Variants in ST18 observed in about 807,000 individuals in gnomAD.
The protein encoded by ST18 is ST18 C2H2C-type zinc finger transcription factor.
A neutral mutation model predicts 110.0 loss-of-function variants in ST18; 50 were observed. The observed-to-expected ratio is 0.45, with a 90% confidence interval of 0.36 to 0.58. The LOEUF (loss-of-function observed/expected upper bound fraction) is 0.58. Among genes scored for constraint, ST18 ranks in the 20% least tolerant of loss-of-function variants. The pLI is 0.00. For synonymous variants in ST18, 461 were observed against 452.4 expected (o/e 1.02, Z -0.24); for missense variants, 1,306 against 1,280.1 (o/e 1.02, Z -0.31).
chr8:52,284,740 T>G (rs569113809), intron 2 of ST18, among the ~76,000 whole-genome samples: 2 of 152,102 alleles, frequency 1.3e-5, no homozygotes, highest in African/African-American at 4.8e-5. Context: ...TGAGAAGGAA[T>G]GGGAAATTGA....
chr8:52,237,348 C>CT (rs1403738257), intron 2 of ST18, among the ~76,000 whole-genome samples: 1 of 152,070 alleles, frequency 6.6e-6, no homozygotes, highest in Non-Finnish European at 1.5e-5. Context: ...AAAAAATATT[C>CT]TTTTTTATTA....
intron 2 of ST18, among the ~76,000 whole-genome samples, chr8:52,312,197 T>A (rs1044586346): frequency 5.3e-5 from 8 of 152,202 alleles, no homozygotes; most frequent in Non-Finnish European, 2.9e-5. Flanking sequence ...TTATTCTATC[T>A]ATATCCGATT....
chr8:52,261,482 C>T (rs1191069174), intron 2 of ST18, among the ~76,000 whole-genome samples: 10 of 152,130 alleles, frequency 6.6e-5, no homozygotes, highest in Admixed American at 6.5e-4. Context: ...TTTCATTCTC[C>T]TTGCTTGTTC....
chr8:52,306,140 C>T (rs186127723), intron 2 of ST18, among the ~76,000 whole-genome samples: 4 of 152,334 alleles, frequency 2.6e-5, no homozygotes, highest in South Asian at 4.1e-4. Flanking sequence ...TCCCCACATC[C>T]GTGTTGCTCA....
At chr8:52,252,595 G>C (rs1228747214) in intron 2 of ST18, among the ~76,000 whole-genome samples, 1 of 151,524 alleles carries the variant, frequency 6.6e-6, no homozygotes, top group Admixed American at 6.6e-5. Flanking sequence ...ACCACCTTAC[G>C]CTCTCCAAGG....
chr8:52,126,367 T>C (rs2047069884), intron 22 of ST18, among the ~76,000 whole-genome samples: 1 of 152,250 alleles, frequency 6.6e-6, no homozygotes, highest in Admixed American at 6.5e-5. Flanking sequence ...AAGGTACAAA[T>C]AGTTACTGCT....
chr8:52,295,809 G>A (rs2095625989), intron 2 of ST18, among the ~76,000 whole-genome samples: 1 of 148,068 alleles, frequency 6.8e-6, no homozygotes, highest in Non-Finnish European at 1.5e-5. Flanking sequence ...TGCAGCGCCA[G>A]TTCTGCCTGC....
chr8:52,149,095 A>G (rs1262865092), intron 16 of ST18, among the ~76,000 whole-genome samples: 1 of 152,258 alleles, frequency 6.6e-6, no homozygotes, highest in Non-Finnish European at 1.5e-5. Flanking sequence ...AGGCCTAGTC[A>G]GGTGGCTCAA....
At chr8:52,124,627 A>T (rs1438232054) in intron 23 of ST18, among the ~76,000 whole-genome samples, 1 of 152,234 alleles carries the variant, frequency 6.6e-6, no homozygotes, top group East Asian at 1.9e-4. Context: ...GGGAATGGGC[A>T]GTATTTCCAA....
intron 16 of ST18, among the ~76,000 whole-genome samples, chr8:52,143,772 A>G (rs2056209481): frequency 6.6e-6 from 1 of 152,222 alleles, no homozygotes; most frequent in African/African-American, 2.4e-5. Context: ...TATTGCAAAA[A>G]TGAATCACAC....
At chr8:52,355,542 C>G (rs1822323461) in intron 2 of ST18, among the ~76,000 whole-genome samples, 1 of 152,218 alleles carries the variant, frequency 6.6e-6, no homozygotes, top group Admixed American at 6.5e-5. Flanking sequence ...CTCTAGGGCT[C>G]TATTCATCCA....
chr8:52,295,245 G>T (rs1312490503), intron 2 of ST18, among the ~76,000 whole-genome samples: 1 of 152,206 alleles, frequency 6.6e-6, no homozygotes, highest in Admixed American at 6.5e-5. Context: ...ACAGGTAATA[G>T]AGTGCTTGAA....
At chr8:52,300,678 G>A (rs1177798692) in intron 2 of ST18, among the ~76,000 whole-genome samples, 2 of 152,138 alleles carry the variant, frequency 1.3e-5, no homozygotes, top group East Asian at 1.9e-4. Context: ...TTACATTTCA[G>A]TGTTCAAAAT....
chr8:52,139,112 A>G (rs934551697), intron 17 of ST18, among the ~76,000 whole-genome samples: 17 of 152,148 alleles, frequency 1.1e-4, no homozygotes, highest in Non-Finnish European at 2.4e-4. Context: ...AAACTATAAA[A>G]GCTATAAATA....
At chr8:52,245,193 C>T (rs1018093981) in intron 2 of ST18, among the ~76,000 whole-genome samples, 7 of 152,136 alleles carry the variant, frequency 4.6e-5, no homozygotes, top group African/African-American at 1.7e-4. Flanking sequence ...AAAGAGCAAA[C>T]AGTGGACACA....
At chr8:52,149,084 C>A (rs2058133261) in intron 16 of ST18, among the ~76,000 whole-genome samples, 2 of 152,252 alleles carry the variant, frequency 1.3e-5, no homozygotes, top group Non-Finnish European at 2.9e-5. Context: ...CATGGCTAAT[C>A]AGGCCTAGTC....
intron 17 of ST18, 154 bp from the exon 18 acceptor site, chr8:52,137,637 T>C (rs940587961): frequency 3.1e-6 from 2 of 635,560 alleles, no homozygotes; most frequent in African/African-American, 3.7e-5. Context: ...ATTTATATTA[T>C]ATAAGAACCA....
chr8:52,388,900 G>T (rs927176349), intron 2 of ST18, among the ~76,000 whole-genome samples: 1 of 150,180 alleles, frequency 6.7e-6, no homozygotes, highest in Admixed American at 6.6e-5. Context: ...CACCAGCATG[G>T]CACATGTATA....
At chr8:52,113,443 G>A in intron 25 of ST18, 105 bp from the exon 26 acceptor site, 10 of 1,369,390 alleles carry the variant, frequency 7.3e-6, no homozygotes, top group Non-Finnish European at 1.0e-5. Flanking sequence ...CGGGAGGGAA[G>A]GCAAGGGTGC....
Sources: gnomAD v4.1 joint callset for allele counts (sites outside exome capture counted in the v4.1 genomes callset) on GRCh38, gnomAD v4.1.1 for gene constraint, MANE v1.5 for transcripts, NCBI Gene and HGNC (gene_info 2026-07-23, HGNC 2026-07-21) for gene names.